Variants in MSI2 observed in about 807,000 individuals in gnomAD.
MSI2 encodes the protein musashi RNA binding protein 2.
In MSI2, 17 loss-of-function variants were observed where a neutral mutation model predicts 45.6. The ratio of observed to expected loss-of-function variants is 0.37; its 90% confidence interval spans 0.26 to 0.56. The LOEUF is 0.56. Ranked by LOEUF, MSI2 falls within the 20% of genes least tolerant of loss-of-function variation. The probability of loss-of-function intolerance (pLI) is 0.77; values close to 1 mark genes in which losing one functional copy is unlikely to be tolerated. For synonymous variants in MSI2, 156 were observed against 158.2 expected (o/e 0.99, Z 0.11); for missense variants, 293 against 444.2 (o/e 0.66, Z 3.06).
At chr17:57,380,514 G>C (rs2083581222) in intron 5 of MSI2, among the ~76,000 whole-genome samples, 1 of 152,226 alleles carries the variant, frequency 6.6e-6, no homozygotes, top group Non-Finnish European at 1.5e-5. Context: ...CTAACAGGGA[G>C]AGTGAAGCGG....
chr17:57,263,236 T>A (rs956684475), intron 5 of MSI2, among the ~76,000 whole-genome samples: 8 of 152,216 alleles, frequency 5.3e-5, no homozygotes, highest in African/African-American at 1.9e-4. Context: ...GGCATACCAC[T>A]TGATTGATTG....
chr17:57,471,262 G>C lies in MSI2; in HGVS notation c.406-58414G>C, dbSNP rs564752182. 4.2e-4 allele frequency among the ~76,000 whole-genome samples: 62 copies of C among 147,326 alleles called. No homozygotes were observed. The South Asian group carries it at 5.3e-3, about 13-fold the overall frequency. On this transcript the variant is annotated intron_variant, in intron 6 of 13. Coordinates refer to ENST00000284073, the MANE Select transcript of MSI2 (RefSeq NM_138962.4). ...CTAACAGACTCAGCCATCAACCTGC[G>C]GCATTTATGGAGCACTTTTTTTTTT...
chr17:57,340,206 G>A (rs574270260), intron 5 of MSI2, among the ~76,000 whole-genome samples: 1 of 152,218 alleles, frequency 6.6e-6, no homozygotes, highest in Non-Finnish European at 1.5e-5. Context: ...AAGAGGCTCA[G>A]ATCCATGGAG....
chr17:57,408,800 G>T (rs2084133492), intron 6 of MSI2, among the ~76,000 whole-genome samples: 1 of 152,198 alleles, frequency 6.6e-6, no homozygotes, highest in African/African-American at 2.4e-5. Flanking sequence ...GGTTCTTATG[G>T]AGGAGAAAGC....
intron 6 of MSI2, among the ~76,000 whole-genome samples, chr17:57,432,870 C>G (rs2084624292): frequency 6.6e-6 from 1 of 152,206 alleles, no homozygotes; most frequent in Non-Finnish European, 1.5e-5. Context: ...CAAGACTGAA[C>G]CCCTTCTGCT....
chr17:57,564,995 C>T (rs1220075112), intron 7 of MSI2, among the ~76,000 whole-genome samples: 1 of 152,232 alleles, frequency 6.6e-6, no homozygotes, highest in Non-Finnish European at 1.5e-5. Flanking sequence ...GTGCTAGATG[C>T]TGTCCTGAGT....
intron 6 of MSI2, among the ~76,000 whole-genome samples, chr17:57,441,495 C>T (rs1183624555): frequency 1.3e-5 from 2 of 152,084 alleles, no homozygotes; most frequent in African/African-American, 4.8e-5. Flanking sequence ...ATAGACAGAC[C>T]TCTGCACTCA....
chr17:57,675,197 C>A, intron 12 of MSI2, 71 bp downstream of exon 12: 1 of 1,454,498 alleles, frequency 6.9e-7, no homozygotes, highest in Non-Finnish European at 9.4e-7. Flanking sequence ...TGTGGGTGTG[C>A]CAGGAAAGCC....
At chr17:57,540,998 C>A (rs1051544953) in intron 7 of MSI2, among the ~76,000 whole-genome samples, 4 of 152,138 alleles carry the variant, frequency 2.6e-5, no homozygotes, top group African/African-American at 9.7e-5. Flanking sequence ...CACAACCCCC[C>A]TAAGCAAAAT....
chr17:57,629,415 T>C (rs1598471936), intron 10 of MSI2: 1 of 152,246 alleles, frequency 6.6e-6, no homozygotes, highest in Non-Finnish European at 1.5e-5. Context: ...GATAACAGAG[T>C]GAGACTCTGT....
In MSI2 at chr17:57,512,968, C is replaced by CTTTTTTTTTTT. The variant is rs34727727; in HGVS notation, c.406-16701_406-16691dup. ...ATATTGCACATGAATTAGCTTCTTCCTTTTTTTTTTTTTTTTTCCTTCTGA... is the reference window on the plus strand; with the variant it reads ...ATATTGCACATGAATTAGCTTCTTCCTTTTTTTTTTTTTTTTTTTTTTTTTTTTCCTTCTGA... On this transcript the variant is annotated intron_variant, in intron 6 of 13. Transcript: ENST00000284073. Among the ~76,000 whole-genome samples the CTTTTTTTTTTT allele has an allele frequency of 1.7e-3, 192 of 114,714 alleles. 19 individuals are homozygous for CTTTTTTTTTTT. Among genetic ancestry groups the CTTTTTTTTTTT allele is most frequent in the Non-Finnish European group, 1.8e-3 (106 of 59,466 alleles). 75.3% of individuals were successfully genotyped at this position (114,714 alleles called of 152,430 possible). A position where few individuals can be genotyped will look rare whatever the true frequency, so the allele number is the denominator to read the frequency against.
At chr17:57,570,386 C>A (rs949278370) in intron 7 of MSI2, among the ~76,000 whole-genome samples, 1 of 152,178 alleles carries the variant, frequency 6.6e-6, no homozygotes, top group African/African-American at 2.4e-5. Context: ...TCCACACTTT[C>A]ACCAGTGGTT....
chr17:57,635,268 G>A (rs368026000), intron 10 of MSI2, among the ~76,000 whole-genome samples: 2 of 152,236 alleles, frequency 1.3e-5, no homozygotes, highest in Non-Finnish European at 2.9e-5. Context: ...CCCAAAGCAC[G>A]TGAAGTACTT....
At chr17:57,341,122 A>T (rs938791566) in intron 5 of MSI2, among the ~76,000 whole-genome samples, 2 of 152,156 alleles carry the variant, frequency 1.3e-5, no homozygotes, top group African/African-American at 4.8e-5. Flanking sequence ...ATATGAGAGT[A>T]GAGAGGGGCT....
Position 57,329,058 on chromosome 17 carries a change from C to T in MSI2, c.312+66866C>T, listed in dbSNP as rs1598126956. ...GCAGTGAGCCAAGATTGTACTCCAG[C>T]CTGGGTGAGGGGAGTGGAGACTCTA... On this transcript the variant is annotated intron_variant, in intron 5 of 13. Transcript: ENST00000284073. 3.9e-5 allele frequency among the ~76,000 whole-genome samples: 6 copies of T among 152,258 alleles called. 1 individual carries two copies. The highest frequency in any genetic ancestry group is 3.9e-4 in the Admixed American group (6 of 15,296).
chr17:57,258,354 G>T lies in MSI2; in HGVS notation c.270G>T (p.Thr90=). 6.2e-7 allele frequency: 1 copy of T among 1,613,472 alleles called. No homozygotes were observed. Among genetic ancestry groups the T allele is most frequent in the Non-Finnish European group, 8.5e-7 (1 of 1,179,362 alleles). Residue 90 remains threonine, a splice_region_variant and synonymous_variant, in exon 4 of 14, where the codon ACG becomes ACT. Coordinates refer to ENST00000284073, the MANE Select transcript of MSI2 (RefSeq NM_138962.4). ...CCCACCATGAGTTAGATTCCAAGAC[G>T]GTAGGTTGCTTTTTGTTGTTGTTGT... is the stretch of plus-strand genomic sequence containing the variant. ...GQPHHELDSK[T]IDPKVAFPRR... is the part of the protein sequence containing the mutation.
intron 5 of MSI2, among the ~76,000 whole-genome samples, chr17:57,308,134 A>G (rs956993365): frequency 2.6e-5 from 4 of 152,114 alleles, no homozygotes; most frequent in Non-Finnish European, 1.5e-5. Flanking sequence ...CAAGTTCCTT[A>G]TTTGTCACAG....
chr17:57,587,666 G>A (rs1321312550), intron 7 of MSI2, among the ~76,000 whole-genome samples: 2 of 152,042 alleles, frequency 1.3e-5, no homozygotes, highest in African/African-American at 4.8e-5. Flanking sequence ...GACCCGTGTC[G>A]ACTCACGCCG....
intron 6 of MSI2, among the ~76,000 whole-genome samples, chr17:57,408,544 C>T (rs950236441): frequency 1.9e-4 from 27 of 142,120 alleles, no homozygotes; most frequent in African/African-American, 6.5e-4. Flanking sequence ...GGAGAGCCAG[C>T]GGTAGGGGAG....
Sources: allele counts gnomAD v4.1 joint callset (sites outside exome capture counted in the v4.1 genomes callset), GRCh38; gene constraint gnomAD v4.1.1; transcripts MANE v1.5; gene names NCBI Gene and HGNC (gene_info 2026-07-23, HGNC 2026-07-21).